INPP4B: variants seen among roughly 807,000 people sequenced by gnomAD.
INPP4B encodes the protein inositol polyphosphate-4-phosphatase type II B, also known as inositol polyphosphate 4-phosphatase type II.
A neutral mutation model predicts 122.5 loss-of-function variants in INPP4B; 55 were observed. That is an observed-to-expected ratio of 0.45 (90% CI 0.36 to 0.56). INPP4B has a LOEUF of 0.56. Ranked by LOEUF, INPP4B falls within the 20% of genes least tolerant of loss-of-function variation. The probability of loss-of-function intolerance (pLI) is 0.00; values close to 1 mark genes in which losing one functional copy is unlikely to be tolerated. For missense variants in INPP4B, 1,000 were observed against 1,097.7 expected, an observed-to-expected ratio of 0.91 and a Z score of 1.26; for synonymous variants, 403 against 388.7, an observed-to-expected ratio of 1.04 and a Z score of -0.43.
chr4:142,739,724 C>T (rs1254095136), intron 1 of INPP4B, among the ~76,000 whole-genome samples: 2 of 151,818 alleles, frequency 1.3e-5, no homozygotes, highest in Non-Finnish European at 2.9e-5. Context: ...TCCAATAACT[C>T]ATTAGGTCAT....
At chr4:142,653,650 C>CA (rs1753502868) in intron 2 of INPP4B, among the ~76,000 whole-genome samples, 1 of 152,124 alleles carries the variant, frequency 6.6e-6, no homozygotes, top group African/African-American at 2.4e-5. Context: ...CAGAGAAATG[C>CA]AAATCAAAAC....
intron 2 of INPP4B, among the ~76,000 whole-genome samples, chr4:142,468,229 A>G (rs1029496167): frequency 5.3e-5 from 8 of 152,070 alleles, no homozygotes; most frequent in African/African-American, 1.7e-4. Context: ...CTAAAGTCAG[A>G]GCTGACTATT....
chr4:142,285,274 T>G (rs577016909), intron 9 of INPP4B, among the ~76,000 whole-genome samples: 4 of 152,102 alleles, frequency 2.6e-5, no homozygotes, highest in African/African-American at 9.6e-5. Context: ...CTGTGGCTAC[T>G]GAATCACAAG....
intron 2 of INPP4B, among the ~76,000 whole-genome samples, chr4:142,643,566 T>A (rs1751025056): frequency 6.6e-6 from 1 of 152,138 alleles, no homozygotes; most frequent in African/African-American, 2.4e-5. Context: ...AGCTTTTTGT[T>A]TTATGAATTT....
rs568446743 is a variant in INPP4B, at chr4:142,821,142, T to C, written c.-254+25067A>G. Among the ~76,000 whole-genome samples, 61 of 152,288 alleles carry C rather than the reference T, an allele frequency of 4.0e-4. No homozygotes were observed. In the South Asian group the frequency reaches 0.011, roughly 28 times the overall value. On this transcript the variant is annotated intron_variant, in intron 1 of 25. Coordinates refer to ENST00000262992, the MANE Select transcript of INPP4B (RefSeq NM_001101669.3). ...ATTTCTCTAGGAATTATAATGCCTC[T>C]TGAGAACTTGGTCAATTGCTTCTTT...
At chr4:142,646,097 G>C (rs1751719150) in intron 2 of INPP4B, among the ~76,000 whole-genome samples, 1 of 152,098 alleles carries the variant, frequency 6.6e-6, no homozygotes, top group Non-Finnish European at 1.5e-5. Context: ...TTGGATGATG[G>C]ACCCTTGCTA....
At chr4:142,402,690 G>A (rs548742235) in intron 7 of INPP4B, among the ~76,000 whole-genome samples, 1 of 152,108 alleles carries the variant, frequency 6.6e-6, no homozygotes, top group South Asian at 2.1e-4. Flanking sequence ...ACAACAAAAT[G>A]TAAACCAAAA....
intron 25 of INPP4B, among the ~76,000 whole-genome samples, chr4:142,034,998 C>T (rs577606345): frequency 6.6e-6 from 1 of 152,236 alleles, no homozygotes; most frequent in South Asian, 2.1e-4. Flanking sequence ...TCACTTCTTG[C>T]ATCCATCAAG....
At chr4:142,689,818 G>T (rs374025972) in intron 2 of INPP4B, among the ~76,000 whole-genome samples, 2 of 152,170 alleles carry the variant, frequency 1.3e-5, no homozygotes, top group South Asian at 4.2e-4. Flanking sequence ...ATGTTTATGC[G>T]CAGCTAATTC....
At chr4:142,403,176 A>T (rs1427037888) in intron 6 of INPP4B, 122 bp from the exon 7 acceptor site, 7 of 681,744 alleles carry the variant, frequency 1.0e-5, no homozygotes, top group Non-Finnish European at 1.6e-5. Context: ...AAATAGTTCT[A>T]TTAGAAGAGA....
intron 7 of INPP4B, among the ~76,000 whole-genome samples, chr4:142,340,040 G>C (rs544726758): frequency 6.6e-6 from 1 of 152,222 alleles, no homozygotes; most frequent in South Asian, 2.1e-4. Context: ...AGGAAAAGCT[G>C]TGTTGTTTTC....
chr4:142,639,656 T>C (rs1749956876), intron 2 of INPP4B, among the ~76,000 whole-genome samples: 1 of 152,174 alleles, frequency 6.6e-6, no homozygotes, highest in African/African-American at 2.4e-5. Context: ...GGCAGGCGGC[T>C]TTGCAGAGAC....
chr4:142,742,353 G>T (rs1334756048), intron 1 of INPP4B, among the ~76,000 whole-genome samples: 1 of 151,996 alleles, frequency 6.6e-6, no homozygotes, highest in East Asian at 1.9e-4. Flanking sequence ...TTTTTAACTT[G>T]CAATTTTCCT....
At chr4:142,677,488 A>G (rs1230394288) in intron 2 of INPP4B, among the ~76,000 whole-genome samples, 2 of 152,084 alleles carry the variant, frequency 1.3e-5, no homozygotes, top group East Asian at 3.9e-4. Flanking sequence ...CAATCCCATT[A>G]CCGTGTAATA....
chr4:142,062,932 G>A (rs1384216900), intron 25 of INPP4B, among the ~76,000 whole-genome samples: 1 of 152,010 alleles, frequency 6.6e-6, no homozygotes, highest in African/African-American at 2.4e-5. Flanking sequence ...AAAGAAATGG[G>A]GAAATATGTT....
intron 2 of INPP4B, among the ~76,000 whole-genome samples, chr4:142,723,220 A>G (rs1045890048): frequency 2.0e-5 from 3 of 152,126 alleles, no homozygotes; most frequent in Non-Finnish European, 4.4e-5. Flanking sequence ...AATTCTTAAT[A>G]TGCTATTTCA....
At chr4:142,332,437 T>G (rs540145812) in intron 7 of INPP4B, among the ~76,000 whole-genome samples, 4 of 151,978 alleles carry the variant, frequency 2.6e-5, no homozygotes, top group Non-Finnish European at 5.9e-5. Context: ...CATTAAAGGC[T>G]TTTATAAAGC....
rs1423491788 is a variant in INPP4B, at chr4:142,424,624, T to C, written c.136+4549A>G. Among the ~76,000 whole-genome samples, 5 of 152,082 alleles carry C rather than the reference T, an allele frequency of 3.3e-5. No individual in the cohort carries two copies. In the East Asian group the frequency reaches 9.6e-4, roughly 29 times the overall value. On this transcript the variant is annotated intron_variant, in intron 5 of 25. Coordinates refer to ENST00000262992, the MANE Select transcript of INPP4B (RefSeq NM_001101669.3). ...TTTGTGTGATGAAATATCCTTCTGA[T>C]AAATGATTTTTAATGACTGATTAAT...
chr4:142,705,737 T>C (rs1434716125), intron 2 of INPP4B, among the ~76,000 whole-genome samples: 4 of 152,222 alleles, frequency 2.6e-5, no homozygotes, highest in African/African-American at 9.6e-5. Context: ...CAGCTGGCAT[T>C]ATTATAAACT....
Sources: allele counts gnomAD v4.1 joint callset (sites outside exome capture counted in the v4.1 genomes callset), GRCh38; gene constraint gnomAD v4.1.1; transcripts MANE v1.5; gene names NCBI Gene and HGNC (gene_info 2026-07-23, HGNC 2026-07-21).